The following ADAMTS17 variants were observed in gnomAD, a reference collection of about 807,000 sequenced individuals.
The protein encoded by ADAMTS17 is ADAM metallopeptidase with thrombospondin type 1 motif 17, also known as A disintegrin and metalloproteinase with thrombospondin motifs 17.
ADAMTS17 carries 113 observed loss-of-function variants against 141.5 expected under a neutral mutation model. The ratio of observed to expected loss-of-function variants is 0.80; its 90% CI spans 0.69 to 0.93. The LOEUF (loss-of-function observed/expected upper bound fraction) is 0.93, where lower values mean the gene tolerates loss of function less well. Among genes scored for constraint, ADAMTS17 ranks in the 40% least tolerant of loss-of-function variants. The pLI is 0.00. For synonymous variants in ADAMTS17, 768 were observed against 630.6 expected, an observed-to-expected ratio of 1.22 and a Z score of -3.27; for missense variants, 1,659 against 1,517.9, an observed-to-expected ratio of 1.09 and a Z score of -1.54.
chr15:100,222,235 G>A (rs1046472674), intron 7 of ADAMTS17, among the ~76,000 whole-genome samples: 3 of 152,150 alleles, frequency 2.0e-5, no homozygotes, highest in Non-Finnish European at 4.4e-5. Flanking sequence ...AGAGTGCCAG[G>A]TAAGCACCGA....
At chr15:100,325,455 C>A (rs1229352612) in intron 3 of ADAMTS17, among the ~76,000 whole-genome samples, 2 of 152,168 alleles carry the variant, frequency 1.3e-5, no homozygotes, top group African/African-American at 4.8e-5. Context: ...TGTGAAGACA[C>A]AGGGAGAGGA....
intron 3 of ADAMTS17, among the ~76,000 whole-genome samples, chr15:100,319,956 A>G (rs1163822983): frequency 6.6e-6 from 1 of 152,190 alleles, no homozygotes; most frequent in Non-Finnish European, 1.5e-5. Flanking sequence ...TAAAAGATCT[A>G]AAGTGATAAA....
chr15:100,200,087 C>A (rs552172429), intron 7 of ADAMTS17, among the ~76,000 whole-genome samples: 1 of 152,242 alleles, frequency 6.6e-6, no homozygotes, highest in Non-Finnish European at 1.5e-5. Flanking sequence ...GTCTTGAAGT[C>A]CTCAGTGAGC....
chr15:100,229,472 A>T (rs768243274), intron 7 of ADAMTS17, among the ~76,000 whole-genome samples: 1 of 152,144 alleles, frequency 6.6e-6, no homozygotes, highest in Non-Finnish European at 1.5e-5. Context: ...CTTCTGTTCT[A>T]TGACGCACAG....
intron 3 of ADAMTS17, among the ~76,000 whole-genome samples, chr15:100,296,416 C>CT (rs1032135277): frequency 1.5e-4 from 23 of 150,674 alleles, no homozygotes; most frequent in African/African-American, 3.5e-4. Flanking sequence ...CCTTCTCTTT[C>CT]TTTTTTTTTC....
intron 3 of ADAMTS17, among the ~76,000 whole-genome samples, chr15:100,307,531 A>C (rs1018364528): frequency 1.8e-4 from 27 of 152,346 alleles, no homozygotes; most frequent in African/African-American, 6.0e-4. Context: ...TTTTCACACG[A>C]GTCAATAAAT....
At chr15:100,163,249 CAGAG>C (rs1375572547) in intron 8 of ADAMTS17, among the ~76,000 whole-genome samples, 1 of 151,964 alleles carries the variant, frequency 6.6e-6, no homozygotes, top group East Asian at 1.9e-4. Flanking sequence ...TAAAGAGAGA[CAGAG>C]AGAATGAAGC....
intron 7 of ADAMTS17, among the ~76,000 whole-genome samples, chr15:100,212,953 T>C (rs181737355): frequency 6.6e-6 from 1 of 152,192 alleles, no homozygotes; most frequent in Admixed American, 6.5e-5. Flanking sequence ...GCACCCTGAG[T>C]TAAGCATCCA....
chr15:100,121,900 T>G (rs539134510), intron 12 of ADAMTS17, among the ~76,000 whole-genome samples: 4 of 152,274 alleles, frequency 2.6e-5, no homozygotes, highest in African/African-American at 9.6e-5. Flanking sequence ...TAGATTCCTA[T>G]CCTGGTTGGA....
At chr15:100,018,830 A>G (rs1381520211) in intron 18 of ADAMTS17, among the ~76,000 whole-genome samples, 2 of 152,206 alleles carry the variant, frequency 1.3e-5, no homozygotes, top group Non-Finnish European at 2.9e-5. Context: ...TATCAGACTG[A>G]CAACACTAAA....
At chr15:100,148,895 C>T (rs2039034506) in intron 10 of ADAMTS17, among the ~76,000 whole-genome samples, 1 of 151,190 alleles carries the variant, frequency 6.6e-6, no homozygotes, top group Non-Finnish European at 1.5e-5. Flanking sequence ...AGAAGAGTGG[C>T]AGGGAGGAGG....
chr15:100,064,231 C>T (rs765236856), intron 15 of ADAMTS17, among the ~76,000 whole-genome samples: 2 of 152,274 alleles, frequency 1.3e-5, no homozygotes, highest in Middle Eastern at 3.4e-3. Flanking sequence ...AGACTGCCAG[C>T]AAACCACCAG....
chr15:100,227,414 T>C (rs1028364771), intron 7 of ADAMTS17, among the ~76,000 whole-genome samples: 4 of 152,192 alleles, frequency 2.6e-5, no homozygotes, highest in African/African-American at 9.7e-5. Context: ...AATATGGAGA[T>C]CTCAGATCCA....
At chr15:100,094,158 A>C (rs2035626530) in intron 15 of ADAMTS17, among the ~76,000 whole-genome samples, 1 of 152,250 alleles carries the variant, frequency 6.6e-6, no homozygotes, top group African/African-American at 2.4e-5. Context: ...ATGACAGTCC[A>C]GGTAGGTGAA....
intron 7 of ADAMTS17, among the ~76,000 whole-genome samples, chr15:100,211,596 G>A (rs1799602853): frequency 6.6e-6 from 1 of 152,234 alleles, no homozygotes; most frequent in Admixed American, 6.5e-5. Context: ...GAAACAGGAA[G>A]CAAAGATCAT....
chr15:100,213,659 G>T (rs377199364), intron 7 of ADAMTS17, among the ~76,000 whole-genome samples: 1 of 152,230 alleles, frequency 6.6e-6, no homozygotes, highest in Non-Finnish European at 1.5e-5. Flanking sequence ...GACCTGAGAC[G>T]CAAAGCAAAA....
chr15:100,154,158 G>A (rs1338887567), intron 9 of ADAMTS17, among the ~76,000 whole-genome samples: 3 of 152,180 alleles, frequency 2.0e-5, no homozygotes, highest in African/African-American at 7.2e-5. Context: ...TCCAGCCTGG[G>A]AGACAGAGTG....
At chr15:100,320,694 G>A (rs2045706837) in intron 3 of ADAMTS17, among the ~76,000 whole-genome samples, 1 of 152,126 alleles carries the variant, frequency 6.6e-6, no homozygotes, top group African/African-American at 2.4e-5. Flanking sequence ...TTAGCCGGGT[G>A]TGGTGGCGCA....
At chr15:100,135,581 C>T (rs1448980658) in intron 10 of ADAMTS17, among the ~76,000 whole-genome samples, 1 of 152,074 alleles carries the variant, frequency 6.6e-6, no homozygotes, top group Non-Finnish European at 1.5e-5. Flanking sequence ...CTGCGCCTGG[C>T]CAAAATTAAC....
Sources: gnomAD v4.1 joint callset for allele counts (sites outside exome capture counted in the v4.1 genomes callset) on GRCh38, gnomAD v4.1.1 for gene constraint, MANE v1.5 for transcripts, NCBI Gene and HGNC (gene_info 2026-07-23, HGNC 2026-07-21) for gene names.